ONECUT3: variants seen among roughly 807,000 people sequenced by gnomAD.
ONECUT3 encodes the protein one cut homeobox 3.
A neutral mutation model predicts 16.8 loss-of-function variants in ONECUT3; 11 were observed. The observed-to-expected ratio is 0.66, with a 90% CI of 0.41 to 1.09. The LOEUF (loss-of-function observed/expected upper bound fraction) is 1.09. ONECUT3 is among the 50% of genes least tolerant of loss of function. The pLI is 0.00. For synonymous variants in ONECUT3, 344 were observed against 310.7 expected, an observed-to-expected ratio of 1.11 and a Z score of -1.13; for missense variants, 637 against 629.9, an observed-to-expected ratio of 1.01 and a Z score of -0.12.
In ONECUT3 at chr19:1,766,816, C is replaced by A. The variant is rs538598039; in HGVS notation, c.1193-8337C>A. On this transcript the variant is annotated intron_variant, in intron 1 of 1. Transcript: ENST00000382349. The surrounding 1 kb of genome is among the most constrained non-coding windows in gnomAD (Gnocchi z 4.0). ...TTGCAGGCTGGGCTGAGACCCCCCC[C>A]CCATGCTCCACCACCCTCGTGTAGG... Among the ~76,000 whole-genome samples, 17 of 152,230 alleles carry A rather than the reference C, an allele frequency of 1.1e-4. No homozygotes were observed. Among genetic ancestry groups the A allele is most frequent in the South Asian group, 4.1e-4 (2 of 4,824 alleles).
Position 1,764,938 on chromosome 19 carries a change from C to T in ONECUT3, c.1192+10084C>T, listed in dbSNP as rs1240382809. Among the ~76,000 whole-genome samples the T allele has an allele frequency of 2.6e-5, 4 of 152,082 alleles. No individual in the cohort carries two copies. Among genetic ancestry groups the T allele is most frequent in the Admixed American group, 6.5e-5 (1 of 15,280 alleles). ...ACCGGTCATCATCCCAGCCGGAGAC[C>T]GGGCTCCATATTGAATTGTCTGCTC... On this transcript the variant is annotated intron_variant, in intron 1 of 1. Transcript: ENST00000382349. The surrounding 1 kb of genome is among the most constrained non-coding windows in gnomAD (Gnocchi z 5.0).
chr19:1,753,923 G>A lies in ONECUT3; in HGVS notation c.261G>A (p.Pro87=). ...GADFRGELAG[P]LHPAMGMACE... ...ACTTCCGCGGGGAACTGGCGGGCCC[G>A]CTGCACCCGGCAATGGGCATGGCCT... is the stretch of plus-strand genomic sequence containing the variant. The change falls in exon 1 of 2, where the codon CCG becomes CCA. Residue 87 remains proline, a synonymous_variant. Transcript: ENST00000382349. 2.0e-6 allele frequency: 2 copies of A among 983,856 alleles called. No individual in the cohort carries two copies. The highest frequency in any genetic ancestry group is 2.4e-6 in the Non-Finnish European group (2 of 830,750). 60.9% of individuals were successfully genotyped at this position (983,856 alleles called of 1,614,324 possible). A position where few individuals can be genotyped will look rare whatever the true frequency, so the allele number is the denominator to read the frequency against.
In ONECUT3 at chr19:1,759,535, G is replaced by A. The variant is rs2067935052; in HGVS notation, c.1192+4681G>A. Among the ~76,000 whole-genome samples the A allele has an allele frequency of 6.6e-6, 1 of 151,922 alleles. No homozygotes were observed. Among genetic ancestry groups the A allele is most frequent in the South Asian group, 2.1e-4 (1 of 4,816 alleles). The stretch of plus-strand genomic sequence containing the variant: ...GGAAGGAAGGGGAGAGAGGAGAGAG[G>A]GAAAGACCCCTGTGCCTTTTGCAAA... On this transcript the variant is annotated intron_variant, in intron 1 of 1. Coordinates refer to ENST00000382349, the MANE Select transcript of ONECUT3 (RefSeq NM_001080488.2). The surrounding 1 kb of genome is among the most constrained non-coding windows in gnomAD (Gnocchi z 4.1).
Position 1,754,163 on chromosome 19 carries a change from C to A in ONECUT3, c.501C>A (p.Ser167Arg). 8.8e-7 allele frequency: 1 copy of A among 1,131,306 alleles called. No homozygotes were observed. Among genetic ancestry groups the A allele is most frequent in the Non-Finnish European group, 1.1e-6 (1 of 916,756 alleles). 70.1% of individuals were successfully genotyped at this position (1,131,306 alleles called of 1,614,324 possible). The change falls in exon 1 of 2, where the codon AGC (serine) becomes AGA (arginine). Residue 167 changes from serine (S) to arginine (R), a missense_variant. Coordinates refer to ENST00000382349, the MANE Select transcript of ONECUT3 (RefSeq NM_001080488.2). The surrounding 1 kb of genome is among the most constrained non-coding windows in gnomAD (Gnocchi z 7.4). ...GTCTGGCGGCCAGCGTGAGCGGCAG[C>A]TTCACCCTCATGCGCGACGAGCGGG... ...PQRLAASVSG[S>R]FTLMRDERAA...
At chr19:1,772,828 G>A (rs2068068311) in intron 1 of ONECUT3, among the ~76,000 whole-genome samples, 3 of 149,624 alleles carry the variant, frequency 2.0e-5, no homozygotes, top group African/African-American at 4.9e-5. Flanking sequence ...CGAGTAGCTG[G>A]GATTACAGGC....
At position 1,753,814 on chromosome 19, in the gene ONECUT3, C is replaced by A; in HGVS notation, c.152C>A (p.Ala51Glu). Residue 51 changes from alanine to glutamate, a missense_variant, in exon 1 of 2, where the codon GCG becomes GAG. Physicochemically the swap from Ala to Glu is moderately radical, Grantham distance 107 (BLOSUM62 -1). This residue lies in a region of ONECUT3 where 419 missense variants were observed against 377.9 expected (regional missense o/e 1.11). Coordinates refer to ENST00000382349, the MANE Select transcript of ONECUT3 (RefSeq NM_001080488.2). ...CGCCCGGGCCTGGTGGCCGGCATGG[C>A]GAGCCTGCTGGACGGCGGCGGCGGC... ...PGRPGLVAGMASLLDGGGGGG... is the reference protein window; with the variant it reads ...PGRPGLVAGMESLLDGGGGGG... 1.0e-6 allele frequency: 1 copy of A among 967,718 alleles called. No homozygotes were observed. Among genetic ancestry groups the A allele is most frequent in the Non-Finnish European group, 1.2e-6 (1 of 816,452 alleles). The allele number at this position is 967,718 out of a possible 1,614,324, so 59.9% of individuals were successfully genotyped here.
intron 1 of ONECUT3, among the ~76,000 whole-genome samples, chr19:1,765,301 C>T (rs545909683): frequency 3.9e-5 from 6 of 152,202 alleles, no homozygotes; most frequent in South Asian, 2.1e-4. Flanking sequence ...GCACTGCTGG[C>T]GTCCACTGGG....
intron 1 of ONECUT3, among the ~76,000 whole-genome samples, chr19:1,756,052 C>A (rs1017767727): frequency 6.6e-6 from 1 of 152,164 alleles, no homozygotes. Context: ...CTGGGAGGCG[C>A]CCCACTAGCA....
At chr19:1,767,188 G>A (rs1449830187) in intron 1 of ONECUT3, among the ~76,000 whole-genome samples, 1 of 152,130 alleles carries the variant, frequency 6.6e-6, no homozygotes, top group Non-Finnish European at 1.5e-5. Flanking sequence ...AAACTTCGTG[G>A]TTGGAAGGCA....
Position 1,754,686 on chromosome 19 carries a change from G to T in ONECUT3, c.1024G>T (p.Ala342Ser). Residue 342 changes from alanine to serine, a missense_variant, in exon 1 of 2, where the codon GCA becomes TCA. This residue lies in a region of ONECUT3 where 35 missense variants were observed against 63.8 expected (regional missense o/e 0.55). Transcript: ENST00000382349. This position sits in a 1 kb window ranked among gnomAD's most constrained non-coding sequence, Gnocchi z 7.4. The stretch of plus-strand genomic sequence containing the variant: ...GCTGAAGCGCTACAGCATCCCGCAG[G>T]CAATCTTCGCGCAGCGGATCCTGTG... The part of the protein sequence containing the change: ...AELKRYSIPQ[A>S]IFAQRILCRS... 3 of 1,532,972 alleles carry T rather than the reference G, an allele frequency of 2.0e-6. No homozygotes were observed. Among genetic ancestry groups the T allele is most frequent in the Non-Finnish European group, 2.6e-6 (3 of 1,140,832 alleles). 95.0% of individuals were successfully genotyped at this position (1,532,972 alleles called of 1,614,324 possible). A position where few individuals can be genotyped will look rare whatever the true frequency, so the allele number is the denominator to read the frequency against.
At position 1,775,995 on chromosome 19, in the gene ONECUT3, A is replaced by C. The variant is rs2068104584; in HGVS notation, c.*550A>C. On this transcript the variant is annotated 3_prime_UTR_variant, in exon 2 of 2. Coordinates refer to ENST00000382349, the MANE Select transcript of ONECUT3 (RefSeq NM_001080488.2). Reference sequence around the variant, plus strand: ...AAAACCCACATCAAGCCGGATCCTTACGGTCCCCCACCCTCTCCAAAACCA... The same window carrying C: ...AAAACCCACATCAAGCCGGATCCTTCCGGTCCCCCACCCTCTCCAAAACCA... 1 of 141,520 alleles carries C rather than the reference A, an allele frequency of 7.1e-6. No individual in the cohort carries two copies. The highest frequency in any genetic ancestry group is 7.4e-5 in the Admixed American group (1 of 13,428). The allele number at this position is 141,520 out of a possible 1,614,324, so 8.8% of individuals were successfully genotyped here. A position where few individuals can be genotyped will look rare whatever the true frequency, so the allele number is the denominator to read the frequency against.
At chr19:1,763,678 CCTT>C (rs1188582508) in intron 1 of ONECUT3, among the ~76,000 whole-genome samples, 5 of 152,036 alleles carry the variant, frequency 3.3e-5, no homozygotes. Flanking sequence ...CTGTATTTCT[CCTT>C]CTTGCAAAAG....
rs1283915143 is a variant in ONECUT3 at position 1,775,366 on chromosome 19, G to A, written c.1406G>A (p.Cys469Tyr). 2 of 1,530,592 alleles carry A rather than the reference G, an allele frequency of 1.3e-6. No individual in the cohort carries two copies. Among genetic ancestry groups the A allele is most frequent in the African/African-American group, 1.4e-5 (1 of 71,718 alleles). 94.8% of individuals were successfully genotyped at this position (1,530,592 alleles called of 1,614,324 possible). Residue 469 changes from cysteine to tyrosine, a missense_variant, in exon 2 of 2, where the codon TGC becomes TAC. By Grantham distance (194) the Cys-to-Tyr change is radical. Coordinates refer to ENST00000382349, the MANE Select transcript of ONECUT3 (RefSeq NM_001080488.2). Reference protein sequence around the residue: ...SNFFMNARRRCMNRWAEEPST... With the variant: ...SNFFMNARRRYMNRWAEEPST... ...TTCTTCATGAACGCGCGGCGCCGCTGCATGAACCGCTGGGCTGAGGAGCCC... is the reference window on the plus strand; with the variant it reads ...TTCTTCATGAACGCGCGGCGCCGCTACATGAACCGCTGGGCTGAGGAGCCC...
chr19:1,772,467 G>A (rs532458553), intron 1 of ONECUT3, among the ~76,000 whole-genome samples: 21 of 152,214 alleles, frequency 1.4e-4, no homozygotes, highest in Middle Eastern at 3.4e-3. Flanking sequence ...TGAGATTACA[G>A]GCATGAGCCA....
At position 1,780,762 on chromosome 19, in the gene ONECUT3, A is replaced by ACC. The variant is rs2068150565; in HGVS notation, c.*5318_*5319dup. ...GGGCTCCTCCTCGTGGCCCTGTCAG[A>ACC]CCACGCAGGGGCTGGTTTTGGTGGA... is the stretch of plus-strand genomic sequence containing the variant. On this transcript the variant is annotated 3_prime_UTR_variant, in exon 2 of 2. Coordinates refer to ENST00000382349, the MANE Select transcript of ONECUT3 (RefSeq NM_001080488.2). The ACC allele has an allele frequency of 6.6e-6, 1 of 152,188 alleles. No individual in the cohort carries two copies. 9.4% of individuals were successfully genotyped at this position (152,188 alleles called of 1,614,324 possible).
At position 1,754,100 on chromosome 19, in the gene ONECUT3, C is replaced by G; in HGVS notation, c.438C>G (p.His146Gln). 9.8e-7 allele frequency: 1 copy of G among 1,016,544 alleles called. No individual in the cohort carries two copies. Among genetic ancestry groups the G allele is most frequent in the Non-Finnish European group, 1.2e-6 (1 of 853,050 alleles). 63.0% of individuals were successfully genotyped at this position (1,016,544 alleles called of 1,614,324 possible). A position where few individuals can be genotyped will look rare whatever the true frequency, so the allele number is the denominator to read the frequency against. ...GCGGCCATCCCCACGCGCACCCGCA[C>G]CCGGCGGCCGCGCCGCCCCCGCCAC... ...AHGGHPHAHPHPAAAPPPPPP... is the reference protein window; with the variant it reads ...AHGGHPHAHPQPAAAPPPPPP... Residue 146 changes from histidine to glutamine, a missense_variant, in exon 1 of 2, where the codon CAC (histidine) becomes CAG (glutamine). His to Gln is a conservative substitution (Grantham distance 24, BLOSUM62 0). This residue lies in a region of ONECUT3 where 419 missense variants were observed against 377.9 expected (regional missense o/e 1.11). Coordinates refer to ENST00000382349, the MANE Select transcript of ONECUT3 (RefSeq NM_001080488.2). The surrounding 1 kb of genome is among the most constrained non-coding windows in gnomAD (Gnocchi z 7.4).
rs201848533 is a variant in ONECUT3 at position 1,772,686 on chromosome 19, CTTTTTTTTT to C, written c.1193-2451_1193-2443del. On this transcript the variant is annotated intron_variant, in intron 1 of 1. Transcript: ENST00000382349. Reference sequence around the variant, plus strand: ...CATTTTCTGGGATATCTGCTTTACTCTTTTTTTTTTTTTTTTTTTTTTTTGAGATGGAGT... The same window carrying C: ...CATTTTCTGGGATATCTGCTTTACTCTTTTTTTTTTTTTTTGAGATGGAGT... Among the ~76,000 whole-genome samples, 3 of 64,036 alleles carry C rather than the reference CTTTTTTTTT, an allele frequency of 4.7e-5. No homozygotes were observed. The Admixed American group carries it at 6.4e-4, about 14-fold the overall frequency. 42.0% of individuals were successfully genotyped at this position (64,036 alleles called of 152,430 possible). A position where few individuals can be genotyped will look rare whatever the true frequency, so the allele number is the denominator to read the frequency against.
intron 1 of ONECUT3, among the ~76,000 whole-genome samples, chr19:1,772,105 G>A (rs1041338030): frequency 3.3e-5 from 5 of 151,842 alleles, no homozygotes; most frequent in Admixed American, 3.3e-4. Context: ...TGCTTACTGG[G>A]TTCAAGCGAC....
rs1217367494 is a variant in ONECUT3 at position 1,759,532 on chromosome 19, G to A, written c.1192+4678G>A. Reference sequence around the variant, plus strand: ...GAGGGAAGGAAGGGGAGAGAGGAGAGAGGGAAAGACCCCTGTGCCTTTTGC... The same window carrying A: ...GAGGGAAGGAAGGGGAGAGAGGAGAAAGGGAAAGACCCCTGTGCCTTTTGC... On this transcript the variant is annotated intron_variant, in intron 1 of 1. Transcript: ENST00000382349. The surrounding 1 kb of genome is among the most constrained non-coding windows in gnomAD (Gnocchi z 4.1). 6.6e-6 allele frequency among the ~76,000 whole-genome samples: 1 copy of A among 152,034 alleles called. No individual in the cohort carries two copies. Among genetic ancestry groups the A allele is most frequent in the African/African-American group, 2.4e-5 (1 of 41,390 alleles).
Sources: allele counts gnomAD v4.1 joint callset (sites outside exome capture counted in the v4.1 genomes callset), GRCh38; gene constraint gnomAD v4.1.1; regional missense constraint gnomAD v4.1.1; non-coding constraint Gnocchi (gnomAD v3.1); transcripts MANE v1.5; gene names NCBI Gene and HGNC (gene_info 2026-07-23, HGNC 2026-07-21).